GRM8: variants seen among roughly 807,000 people sequenced by gnomAD.
GRM8 encodes the protein metabotropic glutamate receptor 8.
GRM8 carries 47 observed loss-of-function variants against 87.2 expected under a neutral mutation model. The ratio of observed to expected loss-of-function variants is 0.54; its 90% CI spans 0.43 to 0.69. The LOEUF (loss-of-function observed/expected upper bound fraction) is 0.69. Ranked by LOEUF, GRM8 falls within the 30% of genes least tolerant of loss-of-function variation. The pLI, the probability that GRM8 is intolerant of heterozygous loss-of-function variation, is 0.00. For missense variants in GRM8, 1,019 were observed against 1,139.2 expected (o/e 0.89, Z 1.52); for synonymous variants, 396 against 404.5 (o/e 0.98, Z 0.25).
intron 3 of GRM8, among the ~76,000 whole-genome samples, chr7:127,019,204 G>C (rs1024277867): frequency 6.6e-6 from 1 of 152,040 alleles, no homozygotes; most frequent in African/African-American, 2.4e-5. Context: ...TTAGGATAAG[G>C]CTTTAGAATT....
At chr7:126,780,838 G>A (rs1819992964) in intron 6 of GRM8, among the ~76,000 whole-genome samples, 1 of 151,704 alleles carries the variant, frequency 6.6e-6, no homozygotes, top group Admixed American at 6.6e-5. Context: ...CAGATTTCCA[G>A]TTCTAAAAGA....
chr7:126,541,886 T>C (rs1816585611), intron 8 of GRM8, among the ~76,000 whole-genome samples: 1 of 152,230 alleles, frequency 6.6e-6, no homozygotes, highest in Non-Finnish European at 1.5e-5. Flanking sequence ...AATTCATATG[T>C]TGAAGTCTTA....
chr7:127,036,037 C>T (rs1410641871), intron 3 of GRM8, among the ~76,000 whole-genome samples: 2 of 152,136 alleles, frequency 1.3e-5, no homozygotes, highest in African/African-American at 2.4e-5. Flanking sequence ...GTTTCACTCG[C>T]CTCAAAGATT....
intron 3 of GRM8, among the ~76,000 whole-genome samples, chr7:127,015,187 GAAGAAGAAGAAGA>G (rs1815475115): frequency 5.3e-5 from 3 of 56,436 alleles, no homozygotes. Context: ...AGAAGAAGAA[GAAGAAGAAGAAGA>G]AGAAGAAGAA....
chr7:126,638,577 C>T (rs896700054), intron 7 of GRM8, among the ~76,000 whole-genome samples: 1 of 152,044 alleles, frequency 6.6e-6, no homozygotes, highest in Non-Finnish European at 1.5e-5. Flanking sequence ...GCTGGGTGGA[C>T]ATGTATTGTA....
chr7:127,187,251 G>A (rs1400330361), intron 2 of GRM8, among the ~76,000 whole-genome samples: 2 of 152,020 alleles, frequency 1.3e-5, no homozygotes, highest in South Asian at 2.1e-4. Flanking sequence ...AAAGAACATC[G>A]TTTAATATCA....
intron 6 of GRM8, among the ~76,000 whole-genome samples, chr7:126,901,952 C>A (rs374722564): frequency 6.6e-6 from 1 of 151,644 alleles, no homozygotes; most frequent in Non-Finnish European, 1.5e-5. Context: ...AAAAATTATG[C>A]GAGTTTTTTT....
intron 6 of GRM8, among the ~76,000 whole-genome samples, chr7:126,831,083 C>T (rs1795318659): frequency 6.6e-6 from 1 of 152,142 alleles, no homozygotes; most frequent in Non-Finnish European, 1.5e-5. Context: ...CAGAGGAGTA[C>T]CCGGCCGTGT....
intron 2 of GRM8, among the ~76,000 whole-genome samples, chr7:127,186,000 T>G (rs1794715665): frequency 6.6e-6 from 1 of 152,192 alleles, no homozygotes; most frequent in Non-Finnish European, 1.5e-5. Context: ...AAATTCTTTA[T>G]GTATGTATTT....
intron 6 of GRM8, among the ~76,000 whole-genome samples, chr7:126,822,536 CTCTT>C (rs1044813984): frequency 2.0e-5 from 3 of 150,394 alleles, no homozygotes; most frequent in Non-Finnish European, 4.4e-5. Context: ...CCTTGTCTCT[CTCTT>C]TCTTTCTTTC....
intron 3 of GRM8, among the ~76,000 whole-genome samples, chr7:127,021,431 A>G (rs1453261067): frequency 6.6e-6 from 1 of 151,932 alleles, no homozygotes; most frequent in Non-Finnish European, 1.5e-5. Flanking sequence ...TATTTTTCTA[A>G]TGATAAAAGT....
intron 9 of GRM8, chr7:126,511,794 C>T (rs1025854923): frequency 3.3e-5 from 5 of 152,048 alleles, no homozygotes; most frequent in African/African-American, 9.7e-5. Flanking sequence ...GATGAGAGAT[C>T]CAATGGGAAA....
chr7:126,692,940 A>C (rs1224808609), intron 7 of GRM8, among the ~76,000 whole-genome samples: 1 of 152,220 alleles, frequency 6.6e-6, no homozygotes, highest in Non-Finnish European at 1.5e-5. Context: ...TTCACAGCTT[A>C]ATGCTTTGTT....
chr7:127,067,381 G>C (rs531817464), intron 3 of GRM8, among the ~76,000 whole-genome samples: 132 of 152,182 alleles, frequency 8.7e-4, no homozygotes, highest in African/African-American at 3.0e-3. Context: ...AATGATTCCT[G>C]CCATGTGACA....
At position 127,243,448 on chromosome 7, in the gene GRM8, G is replaced by A. The variant is rs1156476523; in HGVS notation, c.-244C>T. ...GAATGGTGCAAAAATTAGAACATCT[G>A]AGGTTCTGATGTTGGGATGAGGTCA... On this transcript the variant is annotated 5_prime_UTR_variant, in exon 2 of 11. Transcript: ENST00000339582. 9.8e-6 allele frequency: 5 copies of A among 510,304 alleles called. No homozygotes were observed. The highest frequency in any genetic ancestry group is 1.7e-5 in the Non-Finnish European group (5 of 289,962). The allele number at this position is 510,304 out of a possible 1,614,324, so 31.6% of individuals were successfully genotyped here.
At chr7:126,582,582 G>A (rs1452088053) in intron 8 of GRM8, among the ~76,000 whole-genome samples, 1 of 152,162 alleles carries the variant, frequency 6.6e-6, no homozygotes, top group African/African-American at 2.4e-5. Context: ...GGAAGAAGGG[G>A]CCATCTAAGA....
At chr7:126,692,206 C>T (rs1202431530) in intron 7 of GRM8, among the ~76,000 whole-genome samples, 3 of 152,214 alleles carry the variant, frequency 2.0e-5, no homozygotes, top group Non-Finnish European at 2.9e-5. Flanking sequence ...TTTCTCCATC[C>T]AACAGTTAGT....
intron 9 of GRM8, among the ~76,000 whole-genome samples, chr7:126,527,198 A>C (rs1315658645): frequency 6.6e-6 from 1 of 152,132 alleles, no homozygotes; most frequent in Non-Finnish European, 1.5e-5. Flanking sequence ...ATCTCTACTA[A>C]AAATACAAAA....
chr7:127,041,904 G>A (rs578017521), intron 3 of GRM8, among the ~76,000 whole-genome samples: 2 of 152,134 alleles, frequency 1.3e-5, no homozygotes, highest in South Asian at 4.1e-4. Context: ...CAGTCGAGTC[G>A]AGGGAGCTCT....
Sources: allele counts gnomAD v4.1 joint callset (sites outside exome capture counted in the v4.1 genomes callset), GRCh38; gene constraint gnomAD v4.1.1; transcripts MANE v1.5; gene names NCBI Gene and HGNC (gene_info 2026-07-23, HGNC 2026-07-21).